Variants in LRBA observed in about 807,000 individuals in gnomAD.
The protein encoded by LRBA is lipopolysaccharide-responsive and beige-like anchor protein.
Under a neutral mutation model 330.0 loss-of-function variants are expected in LRBA, and 176 were observed. That is an observed-to-expected ratio of 0.53 (90% CI 0.47 to 0.60). The LOEUF (loss-of-function observed/expected upper bound fraction) is 0.60, where lower values mean the gene tolerates loss of function less well. LRBA is among the 20% of genes least tolerant of loss of function. The pLI is 0.00. For missense variants in LRBA, 3,259 were observed against 3,444.8 expected (o/e 0.95, Z 1.35); for synonymous variants, 1,230 against 1,193.0 (o/e 1.03, Z -0.64).
chr4:150,856,923 T>G (rs1174728397), intron 22 of LRBA, among the ~76,000 whole-genome samples: 1 of 152,142 alleles, frequency 6.6e-6, no homozygotes, highest in East Asian at 1.9e-4. Context: ...TCAACTTAAT[T>G]GGCACTCAAA....
chr4:150,693,910 CA>C lies in LRBA; in HGVS notation c.5755-10194del, dbSNP rs768833861. Among the ~76,000 whole-genome samples, 4 of 152,096 alleles carry C rather than the reference CA, an allele frequency of 2.6e-5. 1 individual carries two copies. Among genetic ancestry groups the C allele is most frequent in the East Asian group, 3.8e-4 (2 of 5,198 alleles). On this transcript the variant is annotated intron_variant, in intron 36 of 56. Coordinates refer to ENST00000651943, the MANE Select transcript of LRBA (RefSeq NM_001364905.1). ...TTTTGAAATAAAAATAAACTACACA[CA>C]ATTTTAATGCTAAAATAGCAAGCCC...
Position 150,280,472 on chromosome 4 carries a change from T to A in LRBA, c.8316+1978A>T, listed in dbSNP as rs1560955870. Among the ~76,000 whole-genome samples the A allele has an allele frequency of 2.0e-5, 3 of 152,334 alleles. No homozygotes were observed. In the East Asian group the frequency reaches 5.8e-4, roughly 29 times the overall value. On this transcript the variant is annotated intron_variant, in intron 55 of 56. Transcript: ENST00000651943. ...TCCCTTGTTTAGGACAAAATAACTTTGCTGCTCTGTACAGGCTGCCTCCTT... is the reference window on the plus strand; with the variant it reads ...TCCCTTGTTTAGGACAAAATAACTTAGCTGCTCTGTACAGGCTGCCTCCTT...
intron 2 of LRBA, among the ~76,000 whole-genome samples, chr4:150,940,913 C>T (rs1020106008): frequency 1.3e-5 from 2 of 151,884 alleles, no homozygotes; most frequent in African/African-American, 4.8e-5. Flanking sequence ...GCCTCTATTT[C>T]ATAATTTATT....
intron 40 of LRBA, among the ~76,000 whole-genome samples, chr4:150,548,255 A>G (rs1766087636): frequency 1.3e-5 from 2 of 152,130 alleles, no homozygotes; most frequent in Non-Finnish European, 2.9e-5. Context: ...AAACATCCCC[A>G]AACCACTCTT....
intron 37 of LRBA, among the ~76,000 whole-genome samples, chr4:150,639,950 G>A (rs899200311): frequency 3.5e-5 from 5 of 144,728 alleles, no homozygotes; most frequent in South Asian, 2.2e-4. Flanking sequence ...TCCCCCTCCC[G>A]GGTTCAAGCG....
intron 47 of LRBA, among the ~76,000 whole-genome samples, chr4:150,350,422 T>C (rs1363554850): frequency 1.3e-5 from 2 of 152,060 alleles, no homozygotes; most frequent in African/African-American, 4.8e-5. Context: ...ATACAAAAAT[T>C]AGCTGGGTGT....
At chr4:150,715,477 A>C (rs763638013) in intron 36 of LRBA, among the ~76,000 whole-genome samples, 21 of 152,252 alleles carry the variant, frequency 1.4e-4, no homozygotes, top group Non-Finnish European at 2.9e-4. Flanking sequence ...AACTGCAAAG[A>C]AAAATGTTCA....
chr4:150,670,478 A>T lies in LRBA; in HGVS notation c.5921+13073T>A, dbSNP rs78823585. On this transcript the variant is annotated intron_variant, in intron 37 of 56. Coordinates refer to ENST00000651943, the MANE Select transcript of LRBA (RefSeq NM_001364905.1). ...TTTGAGTACTTCCTTACCTTCTGGC[A>T]CCACAAGATAATCTTATAGTTGCCC... 4.6e-3 allele frequency among the ~76,000 whole-genome samples: 696 copies of T among 152,338 alleles called. 6 individuals carry two copies. The highest frequency in any genetic ancestry group is 0.016 in the African/African-American group (665 of 41,576).
At chr4:150,421,087 A>G (rs1748686189) in intron 46 of LRBA, among the ~76,000 whole-genome samples, 1 of 58,116 alleles carries the variant, frequency 1.7e-5, no homozygotes, top group Non-Finnish European at 2.9e-5. Flanking sequence ...TATACATTAT[A>G]ATATATATAA....
At chr4:150,804,887 G>A (rs1742330722) in intron 33 of LRBA, among the ~76,000 whole-genome samples, 1 of 151,962 alleles carries the variant, frequency 6.6e-6, no homozygotes, top group South Asian at 2.1e-4. Flanking sequence ...CCAAGGTAGG[G>A]TTCAATCTTG....
intron 2 of LRBA, among the ~76,000 whole-genome samples, chr4:150,992,755 G>A (rs1742238863): frequency 6.6e-6 from 1 of 152,136 alleles, no homozygotes; most frequent in Non-Finnish European, 1.5e-5. Context: ...AAACATAAAA[G>A]GAAATACAGA....
At chr4:150,866,935 C>T (rs572882578) in intron 22 of LRBA, among the ~76,000 whole-genome samples, 49 of 151,696 alleles carry the variant, frequency 3.2e-4, no homozygotes, top group African/African-American at 1.1e-3. Flanking sequence ...ATAGAAAAGA[C>T]AAAAGACAAC....
At chr4:150,292,620 T>A (rs1182472104) in intron 53 of LRBA, among the ~76,000 whole-genome samples, 1 of 152,198 alleles carries the variant, frequency 6.6e-6, no homozygotes, top group East Asian at 1.9e-4. Flanking sequence ...CACCCATTCA[T>A]TCCTTCACTC....
intron 26 of LRBA, among the ~76,000 whole-genome samples, chr4:150,845,600 A>C (rs1398773729): frequency 1.3e-5 from 2 of 152,198 alleles, no homozygotes; most frequent in Non-Finnish European, 2.9e-5. Flanking sequence ...GCAAATTAGG[A>C]ACAAAATAGC....
intron 46 of LRBA, chr4:150,422,722 A>T (rs1748991529): frequency 1.2e-6 from 1 of 848,704 alleles, no homozygotes; most frequent in African/African-American, 1.7e-5. Context: ...AGCCTCTGGA[A>T]CCCACCTGAG....
At chr4:150,412,654 A>ATC (rs1747167173) in intron 47 of LRBA, among the ~76,000 whole-genome samples, 1 of 152,104 alleles carries the variant, frequency 6.6e-6, no homozygotes, top group Non-Finnish European at 1.5e-5. Context: ...AAGTGAAGTA[A>ATC]ACATACTAAC....
At chr4:150,501,443 T>G (rs1760245363) in intron 40 of LRBA, among the ~76,000 whole-genome samples, 1 of 152,084 alleles carries the variant, frequency 6.6e-6, no homozygotes, top group African/African-American at 2.4e-5. Context: ...AAACCCCGTC[T>G]CTGCTAAAAA....
At chr4:150,578,743 T>G (rs1447626571) in intron 40 of LRBA, among the ~76,000 whole-genome samples, 1 of 152,238 alleles carries the variant, frequency 6.6e-6, no homozygotes, top group Non-Finnish European at 1.5e-5. Flanking sequence ...ATGTTCCTAA[T>G]GTAATGATGC....
chr4:150,549,347 T>G (rs563478516), intron 40 of LRBA, among the ~76,000 whole-genome samples: 1 of 152,066 alleles, frequency 6.6e-6, no homozygotes, highest in East Asian at 1.9e-4. Context: ...TTTTATTTTT[T>G]TTTAGATGGA....
Sources: allele counts gnomAD v4.1 joint callset (sites outside exome capture counted in the v4.1 genomes callset), GRCh38; gene constraint gnomAD v4.1.1; transcripts MANE v1.5; gene names NCBI Gene and HGNC (gene_info 2026-07-23, HGNC 2026-07-21).